Variants in CDH4 observed in about 807,000 individuals in gnomAD.
The protein encoded by CDH4 is cadherin 4.
CDH4 carries 33 observed loss-of-function variants against 86.0 expected under a neutral mutation model. The observed-to-expected ratio is 0.38, with a 90% CI of 0.29 to 0.51. The LOEUF (loss-of-function observed/expected upper bound fraction) is 0.51. Ranked by LOEUF, CDH4 falls within the 20% of genes least tolerant of loss-of-function variation. The pLI, the probability that CDH4 is intolerant of heterozygous loss-of-function variation, is 0.86. For missense variants in CDH4, 1,114 were observed against 1,307.4 expected (o/e 0.85, Z 2.28); for synonymous variants, 555 against 549.4 (o/e 1.01, Z -0.14).
At chr20:61,849,114 A>G (rs1363878500) in intron 5 of CDH4, among the ~76,000 whole-genome samples, 2 of 152,088 alleles carry the variant, frequency 1.3e-5, no homozygotes, top group Admixed American at 6.5e-5. Context: ...AAGAAGCTGC[A>G]TCGTCTGCCA....
chr20:61,488,286 C>A (rs1327115844), intron 2 of CDH4, among the ~76,000 whole-genome samples: 2 of 152,226 alleles, frequency 1.3e-5, no homozygotes, highest in Non-Finnish European at 2.9e-5. Context: ...CTGTGACCAG[C>A]GGCCACAACA....
chr20:61,667,064 A>G (rs1235346630), intron 2 of CDH4, among the ~76,000 whole-genome samples: 1 of 152,226 alleles, frequency 6.6e-6, no homozygotes, highest in Admixed American at 6.5e-5. Flanking sequence ...TGACGCCACC[A>G]TCTCATAAGC....
intron 4 of CDH4, among the ~76,000 whole-genome samples, chr20:61,779,797 G>A (rs1160058239): frequency 6.6e-6 from 1 of 152,242 alleles, no homozygotes; most frequent in African/African-American, 2.4e-5. Flanking sequence ...GAGATGCACG[G>A]CCAAGGTGCC....
At chr20:61,265,305 T>C (rs1427309389) in intron 2 of CDH4, among the ~76,000 whole-genome samples, 3 of 149,268 alleles carry the variant, frequency 2.0e-5, no homozygotes, top group Non-Finnish European at 4.4e-5. Context: ...CATTCAATCT[T>C]ACACATACCC....
chr20:61,637,822 A>G (rs1031530197), intron 2 of CDH4, among the ~76,000 whole-genome samples: 1 of 151,956 alleles, frequency 6.6e-6, no homozygotes. Context: ...GGAGTTCGAG[A>G]CCAGCTTGGC....
intron 4 of CDH4, among the ~76,000 whole-genome samples, chr20:61,816,987 C>T (rs1445394943): frequency 6.6e-6 from 1 of 152,226 alleles, no homozygotes; most frequent in Non-Finnish European, 1.5e-5. Flanking sequence ...CACCAGACAG[C>T]AGGCCTGCAC....
intron 3 of CDH4, among the ~76,000 whole-genome samples, chr20:61,766,732 G>T (rs568791450): frequency 2.4e-4 from 36 of 152,292 alleles, no homozygotes; most frequent in African/African-American, 7.2e-4. Context: ...GGTGGTGTCT[G>T]CCTGGTTTCT....
At chr20:61,707,324 G>A (rs574330227) in intron 2 of CDH4, among the ~76,000 whole-genome samples, 1 of 152,276 alleles carries the variant, frequency 6.6e-6, no homozygotes, top group Non-Finnish European at 1.5e-5. Flanking sequence ...GCCTTCGTCA[G>A]TTGCTGCCTG....
At chr20:61,667,133 G>A (rs543324156) in intron 2 of CDH4, among the ~76,000 whole-genome samples, 1 of 152,370 alleles carries the variant, frequency 6.6e-6, no homozygotes, top group South Asian at 2.1e-4. Flanking sequence ...ATGTGATGGA[G>A]GCAAAGAAGG....
chr20:61,913,702 C>T (rs185937685), intron 9 of CDH4, among the ~76,000 whole-genome samples: 27 of 152,314 alleles, frequency 1.8e-4, no homozygotes, highest in African/African-American at 2.9e-4. Context: ...CTGAGAAGGC[C>T]GCTGGGAGAG....
chr20:61,421,394 G>C (rs1034730816), intron 2 of CDH4, among the ~76,000 whole-genome samples: 1 of 152,198 alleles, frequency 6.6e-6, no homozygotes, highest in Non-Finnish European at 1.5e-5. Flanking sequence ...GTGCATAGAC[G>C]TAATTTTGAT....
At chr20:61,513,332 G>A (rs531373519) in intron 2 of CDH4, among the ~76,000 whole-genome samples, 4 of 152,332 alleles carry the variant, frequency 2.6e-5, no homozygotes, top group African/African-American at 7.2e-5. Context: ...TGGCCAGCAC[G>A]ACTGCGGGGG....
chr20:61,734,158 A>G (rs1340972933), intron 2 of CDH4, among the ~76,000 whole-genome samples: 1 of 152,240 alleles, frequency 6.6e-6, no homozygotes, highest in Non-Finnish European at 1.5e-5. Context: ...GATCCGCATC[A>G]CTGCACCCGT....
At chr20:61,870,817 G>T (rs1301384399) in intron 6 of CDH4, among the ~76,000 whole-genome samples, 2 of 152,168 alleles carry the variant, frequency 1.3e-5, no homozygotes, top group African/African-American at 2.4e-5. Flanking sequence ...CTTGCTCGGG[G>T]ATTCCTGGCT....
At chr20:61,509,750 G>A (rs2085766557) in intron 2 of CDH4, among the ~76,000 whole-genome samples, 1 of 152,124 alleles carries the variant, frequency 6.6e-6, no homozygotes, top group Non-Finnish European at 1.5e-5. Flanking sequence ...GGCTGAGGCT[G>A]CACCAGTCAG....
At chr20:61,339,062 C>A (rs4597598) in intron 2 of CDH4, among the ~76,000 whole-genome samples, 86,218 of 151,434 alleles carry the variant, frequency 0.57, 24,558 homozygotes, top group Middle Eastern at 0.69. Flanking sequence ...ACGCACACAC[C>A]CCCCATATAT....
At chr20:61,494,399 A>G (rs2085645176) in intron 2 of CDH4, among the ~76,000 whole-genome samples, 1 of 152,230 alleles carries the variant, frequency 6.6e-6, no homozygotes, top group Admixed American at 6.5e-5. Flanking sequence ...AAGTTTTTTC[A>G]TTTAACAAAT....
chr20:61,857,929 GTGTC>G (rs748484966), intron 6 of CDH4, among the ~76,000 whole-genome samples: 62 of 151,962 alleles, frequency 4.1e-4, no homozygotes, highest in Middle Eastern at 3.4e-3. Flanking sequence ...GTGTCAGTGT[GTGTC>G]TGTCTGTGTG....
chr20:61,773,472 C>A (rs891507298), intron 4 of CDH4, among the ~76,000 whole-genome samples: 8 of 152,236 alleles, frequency 5.3e-5, no homozygotes, highest in African/African-American at 1.9e-4. Context: ...GGGTCGTGGC[C>A]TTTGACCTCT....
Sources: allele counts gnomAD v4.1 joint callset (sites outside exome capture counted in the v4.1 genomes callset), GRCh38; gene constraint gnomAD v4.1.1; transcripts MANE v1.5; gene names NCBI Gene and HGNC (gene_info 2026-07-23, HGNC 2026-07-21).